Variants in KCNIP4 observed in about 807,000 individuals in gnomAD.
KCNIP4 encodes the protein potassium voltage-gated channel interacting protein 4, also known as Kv channel-interacting protein 4.
Under a neutral mutation model 34.0 loss-of-function variants are expected in KCNIP4, and 12 were observed. The observed-to-expected ratio is 0.35, with a 90% CI of 0.23 to 0.57. The LOEUF (loss-of-function observed/expected upper bound fraction) is 0.57. Ranked by LOEUF, KCNIP4 falls within the 20% of genes least tolerant of loss-of-function variation. KCNIP4 has a pLI of 0.83. For missense variants in KCNIP4, 238 were observed against 311.7 expected (o/e 0.76, Z 1.78); for synonymous variants, 124 against 102.2 (o/e 1.21, Z -1.29).
chr4:20,817,528 C>T (rs1322128420), intron 3 of KCNIP4, among the ~76,000 whole-genome samples: 1 of 152,114 alleles, frequency 6.6e-6, no homozygotes, highest in Admixed American at 6.6e-5. Context: ...TATCACCTTC[C>T]CCCTTTTCGC....
intron 1 of KCNIP4, among the ~76,000 whole-genome samples, chr4:21,628,311 G>A (rs1391353826): frequency 6.6e-6 from 1 of 152,040 alleles, no homozygotes; most frequent in Non-Finnish European, 1.5e-5. Flanking sequence ...AATACCCCAT[G>A]CATACCTCAA....
At chr4:21,446,817 A>G (rs1728051158) in intron 1 of KCNIP4, among the ~76,000 whole-genome samples, 1 of 152,106 alleles carries the variant, frequency 6.6e-6, no homozygotes, top group Admixed American at 6.6e-5. Flanking sequence ...CACTTAGCAT[A>G]TTGCATTTGA....
intron 1 of KCNIP4, among the ~76,000 whole-genome samples, chr4:21,778,939 C>G (rs901672205): frequency 1.3e-5 from 2 of 151,954 alleles, no homozygotes; most frequent in African/African-American, 4.8e-5. Flanking sequence ...TGCATTAGTA[C>G]CCACTTCCTA....
At chr4:21,562,222 T>TA (rs11460746) in intron 1 of KCNIP4, among the ~76,000 whole-genome samples, 68,339 of 150,626 alleles carry the variant, frequency 0.45, 15,524 homozygotes, top group East Asian at 0.66. Flanking sequence ...AGGTTTAATT[T>TA]AAAAAAAAAA....
intron 1 of KCNIP4, among the ~76,000 whole-genome samples, chr4:21,752,571 A>G (rs16871838): frequency 0.11 from 16,542 of 152,038 alleles, 3,046 homozygotes; most frequent in African/African-American, 0.38. Context: ...ACCATATCAC[A>G]TGGGTACTAG....
intron 1 of KCNIP4, among the ~76,000 whole-genome samples, chr4:21,864,275 G>A (rs558064619): frequency 5.1e-4 from 77 of 152,212 alleles, no homozygotes; most frequent in African/African-American, 1.4e-3. Flanking sequence ...ATTCTCAAAC[G>A]TTTATAAGCA....
chr4:21,293,455 G>T (rs887521300), intron 1 of KCNIP4, among the ~76,000 whole-genome samples: 2 of 152,110 alleles, frequency 1.3e-5, no homozygotes, highest in Admixed American at 1.3e-4. Context: ...CCAATCCTTC[G>T]GGAAATAGGA....
At chr4:21,787,897 G>A (rs1720014301) in intron 1 of KCNIP4, among the ~76,000 whole-genome samples, 3 of 151,986 alleles carry the variant, frequency 2.0e-5, no homozygotes, top group African/African-American at 7.3e-5. Context: ...TTCTAGTGGG[G>A]GAAGCATATA....
At chr4:20,964,272 T>A (rs1734128685) in intron 1 of KCNIP4, among the ~76,000 whole-genome samples, 1 of 152,180 alleles carries the variant, frequency 6.6e-6, no homozygotes, top group South Asian at 2.1e-4. Context: ...CAAACCCACA[T>A]CTGACTTAGA....
intron 1 of KCNIP4, among the ~76,000 whole-genome samples, chr4:21,106,979 C>A (rs1748606472): frequency 6.7e-6 from 1 of 150,076 alleles, no homozygotes; most frequent in Non-Finnish European, 1.5e-5. Flanking sequence ...GTTATAATTT[C>A]TGTTCTTTTA....
intron 1 of KCNIP4, among the ~76,000 whole-genome samples, chr4:21,513,423 T>C (rs969593096): frequency 3.9e-5 from 6 of 152,204 alleles, no homozygotes; most frequent in African/African-American, 1.4e-4. Context: ...GTTGGTGATA[T>C]GTGAGAAGCT....
chr4:20,904,411 T>C (rs73805219), intron 1 of KCNIP4, among the ~76,000 whole-genome samples: 1 of 151,244 alleles, frequency 6.6e-6, no homozygotes, highest in Non-Finnish European at 1.5e-5. Flanking sequence ...AATTTCATTT[T>C]GGAATCATTT....
intron 1 of KCNIP4, among the ~76,000 whole-genome samples, chr4:21,600,895 C>T (rs924545595): frequency 3.3e-5 from 5 of 151,928 alleles, no homozygotes; most frequent in Non-Finnish European, 7.4e-5. Context: ...TGCTAATAGA[C>T]ATCTCCTCTT....
At chr4:21,017,041 C>T (rs149883358) in intron 1 of KCNIP4, among the ~76,000 whole-genome samples, 19 of 152,112 alleles carry the variant, frequency 1.2e-4, no homozygotes, top group Admixed American at 3.3e-4. Context: ...AGATCTGAAT[C>T]ACACAATTCA....
intron 1 of KCNIP4, among the ~76,000 whole-genome samples, chr4:21,556,920 C>CAAAAAAAAAAAAAAAAAAAAAAAAA (rs1281543089): frequency 2.5e-4 from 9 of 35,640 alleles, no homozygotes; most frequent in Admixed American, 5.6e-4. Context: ...GACTCCATCT[C>CAAAAAAAAAAAAAAAAAAAAAAAAA]AGAAAAAAAA....
chr4:21,425,014 A>G (rs1725815557), intron 1 of KCNIP4, among the ~76,000 whole-genome samples: 1 of 152,340 alleles, frequency 6.6e-6, no homozygotes, highest in African/African-American at 2.4e-5. Flanking sequence ...AAATGTATTC[A>G]GTACAGACAT....
chr4:21,913,156 C>T (rs1728434603), intron 1 of KCNIP4, among the ~76,000 whole-genome samples: 1 of 151,930 alleles, frequency 6.6e-6, no homozygotes, highest in Non-Finnish European at 1.5e-5. Flanking sequence ...CATAAGAATG[C>T]TTTCCTTTGA....
chr4:21,365,051 G>C (rs1332888520), intron 1 of KCNIP4, among the ~76,000 whole-genome samples: 1 of 152,138 alleles, frequency 6.6e-6, no homozygotes, highest in Admixed American at 6.6e-5. Context: ...GGAGAAAGGA[G>C]TTTTCTCCTA....
chr4:21,812,908 A>G (rs1721747757), intron 1 of KCNIP4, among the ~76,000 whole-genome samples: 2 of 152,140 alleles, frequency 1.3e-5, no homozygotes, highest in African/African-American at 2.4e-5. Context: ...TAGGATTCCT[A>G]TGCCAGGATC....
Sources: gnomAD v4.1 joint callset for allele counts (sites outside exome capture counted in the v4.1 genomes callset) on GRCh38, gnomAD v4.1.1 for gene constraint, MANE v1.5 for transcripts, NCBI Gene and HGNC (gene_info 2026-07-23, HGNC 2026-07-21) for gene names.